The following DOCK11 variants were observed in gnomAD, a reference collection of about 807,000 sequenced individuals.
The protein encoded by DOCK11 is dedicator of cytokinesis protein 11.
In DOCK11, 70 loss-of-function variants were observed where a neutral mutation model predicts 169.1. The observed-to-expected ratio is 0.41, with a 90% CI of 0.34 to 0.51. The LOEUF (loss-of-function observed/expected upper bound fraction) is 0.51. Among genes scored for constraint, DOCK11 ranks in the 20% least tolerant of loss-of-function variants. The pLI, the probability that DOCK11 is intolerant of heterozygous loss-of-function variation, is 0.10. For synonymous variants in DOCK11, 529 were observed against 541.3 expected (o/e 0.98, Z 0.32); for missense variants, 1,166 against 1,538.8 (o/e 0.76, Z 4.05).
chrX:118,575,606 C>T (rs767339063), intron 12 of DOCK11, among the ~76,000 whole-genome samples: 1 of 111,949 alleles, frequency 8.9e-6, no homozygotes, highest in African/African-American at 3.2e-5. Context: ...GGTGGCTTGT[C>T]CTCAAGTTGT....
At chrX:118,523,391 G>C (rs1211096282) in intron 1 of DOCK11, among the ~76,000 whole-genome samples, 2 of 112,500 alleles carry the variant, frequency 1.8e-5, no homozygotes, top group Non-Finnish European at 3.8e-5. Context: ...GAATGCATGT[G>C]CAGCAGGCAG....
intron 10 of DOCK11, among the ~76,000 whole-genome samples, chrX:118,569,091 CTTT>C (rs1186200391): frequency 6.7e-5 from 3 of 44,987 alleles, no homozygotes; most frequent in African/African-American, 2.3e-4. Context: ...TCTTTCTTTC[CTTT>C]TTTTTTTTTT....
chrX:118,521,469 A>T (rs2011265876), intron 1 of DOCK11, among the ~76,000 whole-genome samples: 1 of 112,481 alleles, frequency 8.9e-6, no homozygotes, highest in South Asian at 3.6e-4. Context: ...ACTCTCCAAA[A>T]AGCAACCACA....
chrX:118,669,090 C>T (rs1219784130), intron 45 of DOCK11, among the ~76,000 whole-genome samples: 2 of 111,494 alleles, frequency 1.8e-5, no homozygotes, highest in Non-Finnish European at 3.8e-5. Flanking sequence ...GAGAGTGGCA[C>T]GCTCAGGTTT....
intron 33 of DOCK11, 112 bp downstream of exon 33, chrX:118,627,691 T>C: frequency 1.9e-6 from 1 of 531,953 alleles, no homozygotes; most frequent in East Asian, 3.7e-5. Context: ...GCTTGATCTC[T>C]ACTAAAGTTT....
intron 6 of DOCK11, among the ~76,000 whole-genome samples, chrX:118,558,813 G>T (rs1034835631): frequency 8.9e-6 from 1 of 112,210 alleles, no homozygotes; most frequent in Non-Finnish European, 1.9e-5. Flanking sequence ...TAGGAAGGCT[G>T]CTGTGTTATT....
chrX:118,543,450 A>G, intron 3 of DOCK11, 61 bp from the exon 4 acceptor site: 2 of 976,263 alleles, frequency 2.0e-6, no homozygotes, highest in Non-Finnish European at 2.9e-6. Context: ...CAGAGTTTTA[A>G]AAAGTGGATA....
chrX:118,496,577 C>T (rs1278007886), intron 1 of DOCK11, among the ~76,000 whole-genome samples: 1 of 112,529 alleles, frequency 8.9e-6, no homozygotes. Flanking sequence ...ACCCAGAAAG[C>T]CCCGGGCGCC....
Position 118,627,519 on chromosome X carries a change from T to C in DOCK11, c.3604T>C (p.Phe1202Leu). The change falls in exon 33 of 53, where the codon TTT (phenylalanine) becomes CTT (leucine). Residue 1202 changes from phenylalanine to leucine, a missense_variant. Physicochemically the swap from Phe to Leu is conservative, Grantham distance 22. Coordinates refer to ENST00000276202, the MANE Select transcript of DOCK11 (RefSeq NM_144658.4). ...AMPNSASRDEFPCGFTSPANR... is the reference protein window; with the variant it reads ...AMPNSASRDELPCGFTSPANR... ...TCTGTTACAGGCATCCAGAGATGAG[T>C]TTCCATGTGGCTTTACTTCACCTGC... The C allele has an allele frequency of 8.3e-7, 1 of 1,209,087 alleles. No homozygotes were observed.
At chrX:118,531,412 C>CAAAAAAAAAAA (rs60932296) in intron 1 of DOCK11, among the ~76,000 whole-genome samples, 4 of 29,205 alleles carry the variant, frequency 1.4e-4, no homozygotes, top group African/African-American at 1.2e-4. Context: ...GCCATATACT[C>CAAAAAAAAAAA]AAAAAAAAAA....
chrX:118,588,128 C>T lies in DOCK11; in HGVS notation c.1796-9C>T. 2 of 1,144,099 alleles carry T rather than the reference C, an allele frequency of 1.7e-6. No individual in the cohort carries two copies. Among genetic ancestry groups the T allele is most frequent in the Non-Finnish European group, 2.3e-6 (2 of 864,547 alleles). 94.3% of individuals were successfully genotyped at this position (1,144,099 alleles called of 1,213,427 possible). ...GAATGATCTTTGCCTGTTTTTTTCCCTGCTATAGATTGTATTACTTCTTCA... is the reference window on the plus strand; with the variant it reads ...GAATGATCTTTGCCTGTTTTTTTCCTTGCTATAGATTGTATTACTTCTTCA... On this transcript the variant is annotated splice_polypyrimidine_tract_variant and intron_variant, in intron 16 of 52. Coordinates refer to ENST00000276202, the MANE Select transcript of DOCK11 (RefSeq NM_144658.4).
chrX:118,661,838 A>G (rs1362262423), intron 44 of DOCK11, among the ~76,000 whole-genome samples: 1 of 111,545 alleles, frequency 9.0e-6, no homozygotes, highest in Non-Finnish European at 1.9e-5. Context: ...CCAGAAGCCT[A>G]CAGCAGGTGT....
At position 118,588,434 on chromosome X, in the gene DOCK11, G is replaced by A; in HGVS notation, c.2002G>A (p.Val668Met). 2 of 1,192,643 alleles carry A rather than the reference G, an allele frequency of 1.7e-6. No individual in the cohort carries two copies. The highest frequency in any genetic ancestry group is 3.8e-5 in the South Asian group (2 of 53,285). ...TTAGGCAAGGAACATTGCAGTCTGT[G>A]TGGAATTCCGGGATTCAGATGAAAG... ...FAKARNIAVC[V>M]EFRDSDESDA... is the part of the protein sequence containing the mutation. The change falls in exon 18 of 53, where the codon GTG becomes ATG. Residue 668 changes from valine (V) to methionine (M), a missense_variant. Val to Met is a conservative substitution (Grantham distance 21). Coordinates refer to ENST00000276202, the MANE Select transcript of DOCK11 (RefSeq NM_144658.4).
chrX:118,590,107 C>A, intron 18 of DOCK11, 103 bp from the exon 19 acceptor site: 1 of 686,663 alleles, frequency 1.5e-6, no homozygotes, highest in Non-Finnish European at 2.2e-6. Flanking sequence ...GTGGGCTTGG[C>A]CATGGCCCTA....
At chrX:118,685,000 G>A (rs867379040) in intron 52 of DOCK11, among the ~76,000 whole-genome samples, 37 of 111,271 alleles carry the variant, frequency 3.3e-4, no homozygotes, top group African/African-American at 1.0e-3. Context: ...TGTATATAGC[G>A]TTTTTTACCT....
rs144201670 is a variant in DOCK11 at position 118,582,581 on chromosome X, C to T, written c.1596-2154C>T. Among the ~76,000 whole-genome samples the T allele has an allele frequency of 3.6e-3, 398 of 111,470 alleles. 3 individuals carry two copies. Among genetic ancestry groups the T allele is most frequent in the African/African-American group, 0.011 (347 of 30,692 alleles). On this transcript the variant is annotated intron_variant, in intron 14 of 52. Coordinates refer to ENST00000276202, the MANE Select transcript of DOCK11 (RefSeq NM_144658.4). ...GATGTTTAAAAGATATATGATAAACCTCTGTTTACTAGAAATAAAGGAGGT... is the reference window on the plus strand; with the variant it reads ...GATGTTTAAAAGATATATGATAAACTTCTGTTTACTAGAAATAAAGGAGGT...
intron 24 of DOCK11, among the ~76,000 whole-genome samples, chrX:118,606,081 A>ATT (rs952643747): frequency 0.08 from 5,673 of 70,821 alleles, 610 homozygotes; most frequent in African/African-American, 0.25. Context: ...GAGGAACAGA[A>ATT]TTTTTTTTTT....
At position 118,543,498 on chromosome X, in the gene DOCK11, T is replaced by C; in HGVS notation, c.310-13T>C. On this transcript the variant is annotated splice_polypyrimidine_tract_variant and intron_variant, in intron 3 of 52. Transcript: ENST00000276202. ...TCCTATATTTCAAATTCAAGATTCC[T>C]ATTTTCTTTCAGTGTATTAAAACCT... The C allele has an allele frequency of 1.7e-6, 2 of 1,170,956 alleles. No homozygotes were observed. The highest frequency in any genetic ancestry group is 2.3e-6 in the Non-Finnish European group (2 of 859,344).
chrX:118,529,356 G>T (rs768621554), intron 1 of DOCK11, among the ~76,000 whole-genome samples: 1 of 112,370 alleles, frequency 8.9e-6, no homozygotes, highest in Admixed American at 9.4e-5. Context: ...ATATGGCATT[G>T]TGAATTTACA....
Sources: gnomAD v4.1 joint callset for allele counts (sites outside exome capture counted in the v4.1 genomes callset) on GRCh38, gnomAD v4.1.1 for gene constraint, MANE v1.5 for transcripts, NCBI Gene and HGNC (gene_info 2026-07-23, HGNC 2026-07-21) for gene names.